The following MPND variants were observed in gnomAD, a reference collection of about 807,000 sequenced individuals.
The protein encoded by MPND is MPN domain containing.
A neutral mutation model predicts 59.2 loss-of-function variants in MPND; 56 were observed. That is an observed-to-expected ratio of 0.95 (90% CI 0.76 to 1.18). MPND has a LOEUF of 1.18. Among genes scored for constraint, MPND ranks in the 50% most tolerant of loss-of-function variants. The probability of loss-of-function intolerance (pLI) is 0.00; values close to 1 mark genes in which losing one functional copy is unlikely to be tolerated. For synonymous variants in MPND, 323 were observed against 291.9 expected (o/e 1.11, Z -1.09); for missense variants, 671 against 676.0 (o/e 0.99, Z 0.08).
Position 4,343,589 on chromosome 19 carries a change from C to T in MPND, c.-5C>T, listed in dbSNP as rs937453613. The T allele has an allele frequency of 1.6e-5, 19 of 1,220,384 alleles. No individual in the cohort carries two copies. In the African/African-American group the frequency reaches 1.7e-4, roughly 11 times the overall value. 75.6% of individuals were successfully genotyped at this position (1,220,384 alleles called of 1,614,324 possible). On this transcript the variant is annotated 5_prime_UTR_variant, in exon 1 of 13. Transcript: ENST00000599840. ...CTAGAGCTCCGGGCGCGGGGAGGCGCGGCCATGGCAGGTACGGCGGGCCCA... is the reference window on the plus strand; with the variant it reads ...CTAGAGCTCCGGGCGCGGGGAGGCGTGGCCATGGCAGGTACGGCGGGCCCA...
chr19:4,354,818 C>T (rs888688902), intron 6 of MPND, 131 bp from the exon 7 acceptor site: 23 of 891,312 alleles, frequency 2.6e-5, no homozygotes, highest in African/African-American at 3.4e-5. Flanking sequence ...GAGCCAAGAT[C>T]GTGCCACTGC....
intron 8 of MPND, among the ~76,000 whole-genome samples, chr19:4,355,473 C>A (rs1972417954): frequency 6.6e-6 from 1 of 151,696 alleles, no homozygotes; most frequent in Non-Finnish European, 1.5e-5. Flanking sequence ...ATAGCTGGGA[C>A]TACAGGTGCC....
rs1165937677 is a variant in MPND, at chr19:4,357,307, C to G, written c.1051C>G (p.His351Asp). 1.1e-5 allele frequency: 18 copies of G among 1,613,048 alleles called. No individual in the cohort carries two copies. In the Admixed American group the frequency reaches 2.5e-4, roughly 22 times the overall value. Residue 351 changes from histidine (H) to aspartate (D), a missense_variant, in exon 9 of 13, where the codon CAC becomes GAC. By Grantham distance (81) the His-to-Asp change is moderately conservative. Coordinates refer to ENST00000599840, the MANE Select transcript of MPND (RefSeq NM_001300862.2). ...GTCCCTGGTGGGCTGGTACCACAGC[C>G]ACCCACACAGCCCGGCGCTGCCATC... ...GLSLVGWYHSHPHSPALPSLQ... is the reference protein window; with the variant it reads ...GLSLVGWYHSDPHSPALPSLQ...
At chr19:4,344,015 G>C (rs1038303062) in intron 2 of MPND, 21 bp downstream of exon 2, 2 of 1,300,712 alleles carry the variant, frequency 1.5e-6, no homozygotes, top group Non-Finnish European at 1.9e-6. Context: ...CGCCTCCCTC[G>C]TCCCATCGCG....
At chr19:4,359,786 CG>C in intron 12 of MPND, 129 bp from the exon 13 acceptor site, 1 of 669,546 alleles carries the variant, frequency 1.5e-6, no homozygotes, top group Non-Finnish European at 2.5e-6. Context: ...GGCTGTGCTG[CG>C]GGACCCCAGC....
intron 3 of MPND, among the ~76,000 whole-genome samples, chr19:4,348,388 G>A (rs1459179817): frequency 2.0e-5 from 3 of 148,082 alleles, no homozygotes; most frequent in African/African-American, 7.5e-5. Flanking sequence ...AGCCTCTTGA[G>A]TAGCTGGGAT....
intron 3 of MPND, among the ~76,000 whole-genome samples, chr19:4,350,942 G>A (rs995432859): frequency 2.0e-5 from 3 of 152,056 alleles, no homozygotes; most frequent in African/African-American, 4.8e-5. Context: ...GGAGCCAGGC[G>A]AGCGTGGGAT....
chr19:4,350,138 G>C (rs535509548), intron 3 of MPND, among the ~76,000 whole-genome samples: 73 of 152,234 alleles, frequency 4.8e-4, no homozygotes, highest in East Asian at 2.1e-3. Flanking sequence ...AGGTGGGGAG[G>C]GAGGGAGGGT....
chr19:4,349,771 A>G (rs1972273111), intron 3 of MPND, among the ~76,000 whole-genome samples: 1 of 152,184 alleles, frequency 6.6e-6, no homozygotes, highest in African/African-American at 2.4e-5. Flanking sequence ...TCTGCCTCCC[A>G]AAGTGCTGGG....
At chr19:4,349,879 C>T (rs1041179486) in intron 3 of MPND, among the ~76,000 whole-genome samples, 4 of 152,166 alleles carry the variant, frequency 2.6e-5, no homozygotes, top group Non-Finnish European at 4.4e-5. Context: ...CAAATGCCAT[C>T]GCAGTAATGC....
chr19:4,345,401 A>C (rs1164270517), intron 2 of MPND, among the ~76,000 whole-genome samples: 1 of 152,202 alleles, frequency 6.6e-6, no homozygotes, highest in Admixed American at 6.5e-5. Context: ...ATGGTAGCAC[A>C]TTATTCCCCT....
At chr19:4,344,704 G>T (rs1296714270) in intron 2 of MPND, among the ~76,000 whole-genome samples, 1 of 151,468 alleles carries the variant, frequency 6.6e-6, no homozygotes, top group Admixed American at 6.6e-5. Context: ...CTGCCACATG[G>T]TAAGCACTTT....
intron 8 of MPND, 108 bp downstream of exon 8, chr19:4,355,281 G>GT: frequency 8.8e-7 from 1 of 1,136,114 alleles, no homozygotes; most frequent in South Asian, 1.3e-5. Context: ...AACCGTGCAG[G>GT]TGAGCATGCC....
In MPND at chr19:4,355,127, G is replaced by A. The variant is rs753752752; in HGVS notation, c.950G>A (p.Arg317Gln). 6.2e-6 allele frequency: 10 copies of A among 1,613,620 alleles called. No homozygotes were observed. Among genetic ancestry groups the A allele is most frequent in the South Asian group, 2.2e-5 (2 of 91,076 alleles). The change falls in exon 8 of 13, where the codon CGG becomes CAG. Residue 317 changes from arginine (R) to glutamine (Q), a missense_variant. Physicochemically the swap from Arg to Gln is conservative, Grantham distance 43. Transcript: ENST00000599840. ...ACGGTGCTCAGAGCCTTCCCTTGTC[G>A]GAGCCGGCTCGGGGACGCAGAGACT... Reference protein sequence around the residue: ...MLTVLRAFPCRSRLGDAETAA... With the variant: ...MLTVLRAFPCQSRLGDAETAA...
rs1037168325 is a variant in MPND at position 4,344,115 on chromosome 19, C to T, written c.294+121C>T. The T allele has an allele frequency of 5.6e-5, 41 of 734,978 alleles. No homozygotes were observed. The South Asian group carries it at 1.5e-3, about 27-fold the overall frequency. The allele number at this position is 734,978 out of a possible 1,614,324, so 45.5% of individuals were successfully genotyped here. A position where few individuals can be genotyped will look rare whatever the true frequency, so the allele number is the denominator to read the frequency against. On this transcript the variant is annotated intron_variant, in intron 2 of 12. Transcript: ENST00000599840. ...GGAGGGGACACTGAGGCCCGGAGCT[C>T]CCTTGCTGAGAGACGAGCCCCGGTG...
At chr19:4,357,877 T>G (rs1972478467) in intron 10 of MPND, 2 of 608,482 alleles carry the variant, frequency 3.3e-6, no homozygotes, top group Non-Finnish European at 5.8e-6. Context: ...GGGAAGTCAT[T>G]TCAGGGCCCT....
intron 6 of MPND, 183 bp downstream of exon 6, chr19:4,354,603 A>C (rs955215475): frequency 1.6e-6 from 1 of 624,278 alleles, no homozygotes; most frequent in Non-Finnish European, 2.8e-6. Context: ...CCAGTGGCTC[A>C]CACCTATAAT....
In MPND at chr19:4,343,881, G is replaced by T. The variant is rs1465434461; in HGVS notation, c.181G>T (p.Gly61Trp). ...GGGGGGGAGA[G>W]GCGGPGGALT... ...AGGCGGCGGCGGCGGGGCCGGGGCG[G>T]GGGGCTGCGGCGGGCCCGGGGGCGC... The change falls in exon 2 of 13, where the codon GGG becomes TGG. Residue 61 changes from glycine (G) to tryptophan (W), a missense_variant. By Grantham distance (184) the Gly-to-Trp change is radical. Transcript: ENST00000599840. 3 of 1,232,290 alleles carry T rather than the reference G, an allele frequency of 2.4e-6. No individual in the cohort carries two copies. The highest frequency in any genetic ancestry group is 2.0e-6 in the Non-Finnish European group (2 of 992,166). 76.3% of individuals were successfully genotyped at this position (1,232,290 alleles called of 1,614,324 possible). A position where few individuals can be genotyped will look rare whatever the true frequency, so the allele number is the denominator to read the frequency against.
At chr19:4,353,175 G>A (rs868509386) in intron 4 of MPND, 146 bp downstream of exon 4, 11 of 583,922 alleles carry the variant, frequency 1.9e-5, no homozygotes, top group South Asian at 9.1e-5. Context: ...GTCTGGAGCC[G>A]GACGAGGCCT....
Sources: gnomAD v4.1 joint callset for allele counts (sites outside exome capture counted in the v4.1 genomes callset) on GRCh38, gnomAD v4.1.1 for gene constraint, MANE v1.5 for transcripts, NCBI Gene and HGNC (gene_info 2026-07-23, HGNC 2026-07-21) for gene names.